Variants in GRM7 observed in about 807,000 individuals in gnomAD.
The protein encoded by GRM7 is metabotropic glutamate receptor 7.
GRM7 carries 35 observed loss-of-function variants against 84.5 expected under a neutral mutation model. The observed-to-expected ratio is 0.41, with a 90% confidence interval of 0.32 to 0.55. GRM7 has a LOEUF of 0.55. Among genes scored for constraint, GRM7 ranks in the 20% least tolerant of loss-of-function variants. The probability of loss-of-function intolerance (pLI) is 0.19; values close to 1 mark genes in which losing one functional copy is unlikely to be tolerated. For missense variants in GRM7, 1,003 were observed against 1,194.6 expected (o/e 0.84, Z 2.36); for synonymous variants, 487 against 455.1 (o/e 1.07, Z -0.89).
chr3:6,876,604 T>A (rs1695314104), intron 1 of GRM7, among the ~76,000 whole-genome samples: 1 of 148,218 alleles, frequency 6.7e-6, no homozygotes, highest in Admixed American at 6.7e-5. Flanking sequence ...CACTAATTTT[T>A]TTTTTTTTTT....
intron 1 of GRM7, among the ~76,000 whole-genome samples, chr3:6,914,177 A>G (rs1454434801): frequency 3.9e-5 from 6 of 152,174 alleles, no homozygotes; most frequent in East Asian, 1.9e-4. Context: ...TATTCTTTCC[A>G]GGATCAACAT....
At chr3:7,700,981 G>C (rs1217368379) in intron 9 of GRM7, among the ~76,000 whole-genome samples, 2 of 152,212 alleles carry the variant, frequency 1.3e-5, no homozygotes, top group East Asian at 3.9e-4. Context: ...CATCCAGAAG[G>C]TGGAATCAAT....
chr3:7,143,692 T>C (rs1024213252), intron 1 of GRM7, among the ~76,000 whole-genome samples: 1 of 152,122 alleles, frequency 6.6e-6, no homozygotes, highest in Admixed American at 6.6e-5. Context: ...AGTAGCTACA[T>C]AAATGCAAAT....
intron 2 of GRM7, among the ~76,000 whole-genome samples, chr3:7,269,505 A>G (rs1698775249): frequency 6.6e-6 from 1 of 152,154 alleles, no homozygotes; most frequent in African/African-American, 2.4e-5. Flanking sequence ...TTAATTTTTC[A>G]GAGCTCCCCT....
intron 7 of GRM7, among the ~76,000 whole-genome samples, chr3:7,471,822 T>C (rs1698714064): frequency 6.6e-6 from 1 of 152,236 alleles, no homozygotes; most frequent in Non-Finnish European, 1.5e-5. Context: ...CTGTATTTAA[T>C]AACTTTGTTT....
At chr3:6,898,042 T>C (rs1035377107) in intron 1 of GRM7, among the ~76,000 whole-genome samples, 3 of 152,164 alleles carry the variant, frequency 2.0e-5, no homozygotes, top group African/African-American at 7.2e-5. Context: ...CTCCCATGGG[T>C]GTTCTCCATT....
intron 8 of GRM7, among the ~76,000 whole-genome samples, chr3:7,585,356 C>T (rs1695471831): frequency 6.6e-6 from 1 of 152,144 alleles, no homozygotes; most frequent in African/African-American, 2.4e-5. Context: ...ATGGTGCAGT[C>T]GTTTTTCTTC....
chr3:7,013,899 G>T (rs140863256), intron 1 of GRM7, among the ~76,000 whole-genome samples: 52 of 152,034 alleles, frequency 3.4e-4, no homozygotes, highest in African/African-American at 1.2e-3. Flanking sequence ...ATTTGTTAAA[G>T]AATCTGCATC....
chr3:7,169,630 A>G (rs1694918062), intron 2 of GRM7, among the ~76,000 whole-genome samples: 1 of 152,234 alleles, frequency 6.6e-6, no homozygotes, highest in Non-Finnish European at 1.5e-5. Flanking sequence ...GCTTCATCTT[A>G]CATATGCTCC....
intron 4 of GRM7, among the ~76,000 whole-genome samples, chr3:7,382,437 A>G (rs1041661749): frequency 2.6e-5 from 4 of 152,094 alleles, no homozygotes; most frequent in Non-Finnish European, 5.9e-5. Flanking sequence ...TCTTGGCTTT[A>G]TTCCTGAAAT....
rs1018175484 is a variant in GRM7, at chr3:6,862,293, C to A, written c.519+386C>A. On this transcript the variant is annotated intron_variant, in intron 1 of 9. Transcript: ENST00000357716. The surrounding 1 kb of genome is among the most constrained non-coding windows in gnomAD (Gnocchi z 5.2). ...GGAGAATGGAATAGGAAAGATGAGA[C>A]GATGCCTGGAAACCGGGCATTTCCC... Among the ~76,000 whole-genome samples, 35 of 152,040 alleles carry A rather than the reference C, an allele frequency of 2.3e-4. No homozygotes were observed. Among genetic ancestry groups the A allele is most frequent in the African/African-American group, 6.5e-4 (27 of 41,384 alleles).
chr3:6,931,383 G>A (rs1277843694), intron 1 of GRM7, among the ~76,000 whole-genome samples: 2 of 152,114 alleles, frequency 1.3e-5, no homozygotes, highest in Admixed American at 1.3e-4. Context: ...CCACTCTCAG[G>A]CTTCTCATCC....
At chr3:7,712,611 G>A (rs1474512768) in intron 9 of GRM7, among the ~76,000 whole-genome samples, 1 of 150,806 alleles carries the variant, frequency 6.6e-6, no homozygotes, top group Non-Finnish European at 1.5e-5. Flanking sequence ...TTAAGTATTT[G>A]GTTTTGATTT....
intron 8 of GRM7, chr3:7,636,244 A>G (rs758184587): frequency 2.2e-6 from 1 of 456,468 alleles, no homozygotes; most frequent in African/African-American, 2.0e-5. Context: ...CTCTTACCCC[A>G]CTTCCCAGGT....
chr3:7,668,186 G>T (rs1326438444), intron 8 of GRM7, among the ~76,000 whole-genome samples: 1 of 152,338 alleles, frequency 6.6e-6, no homozygotes, highest in Non-Finnish European at 1.5e-5. Flanking sequence ...AATACTTACT[G>T]CAGGGAAAGT....
intron 1 of GRM7, among the ~76,000 whole-genome samples, chr3:6,985,222 A>G (rs1433247666): frequency 1.3e-5 from 2 of 152,168 alleles, no homozygotes; most frequent in Non-Finnish European, 1.5e-5. Flanking sequence ...GTTACAAACA[A>G]TCCAATTACA....
intron 1 of GRM7, among the ~76,000 whole-genome samples, chr3:7,121,327 A>G (rs886406069): frequency 7.6e-6 from 1 of 131,346 alleles, no homozygotes; most frequent in Non-Finnish European, 1.6e-5. Context: ...CCTCCCATCC[A>G]TCTATTCATC....
intron 2 of GRM7, among the ~76,000 whole-genome samples, chr3:7,181,805 G>A (rs1216876407): frequency 6.6e-6 from 1 of 151,866 alleles, no homozygotes; most frequent in Non-Finnish European, 1.5e-5. Context: ...TGGAGATGAG[G>A]TGACTATGTT....
At chr3:7,282,789 T>C (rs937377941) in intron 2 of GRM7, among the ~76,000 whole-genome samples, 8 of 152,210 alleles carry the variant, frequency 5.3e-5, no homozygotes, top group African/African-American at 1.9e-4. Context: ...TGCAGTGATA[T>C]ATACCGTGGG....
Sources: allele counts gnomAD v4.1 joint callset (sites outside exome capture counted in the v4.1 genomes callset), GRCh38; gene constraint gnomAD v4.1.1; non-coding constraint Gnocchi (gnomAD v3.1); transcripts MANE v1.5; gene names NCBI Gene and HGNC (gene_info 2026-07-23, HGNC 2026-07-21).